The following PSD3 variants were observed in gnomAD, a reference collection of about 807,000 sequenced individuals.
PSD3 encodes the protein PH and SEC7 domain-containing protein 3.
A neutral mutation model predicts 105.5 loss-of-function variants in PSD3; 49 were observed. The ratio of observed to expected loss-of-function variants is 0.46; its 90% CI spans 0.37 to 0.59. The LOEUF is 0.59. Among genes scored for constraint, PSD3 ranks in the 20% least tolerant of loss-of-function variants. The probability of loss-of-function intolerance (pLI) is 0.00; values close to 1 mark genes in which losing one functional copy is unlikely to be tolerated. For synonymous variants in PSD3, 557 were observed against 457.8 expected, an observed-to-expected ratio of 1.22 and a Z score of -2.77; for missense variants, 1,561 against 1,263.8, an observed-to-expected ratio of 1.24 and a Z score of -3.57.
intron 11 of PSD3, among the ~76,000 whole-genome samples, chr8:18,606,702 T>C (rs1201571788): frequency 1.3e-5 from 2 of 151,988 alleles, no homozygotes; most frequent in Non-Finnish European, 2.9e-5. Flanking sequence ...GTAAGGAAAT[T>C]ATTACAGTAG....
At chr8:18,698,725 C>T (rs1378517197) in intron 9 of PSD3, among the ~76,000 whole-genome samples, 1 of 152,110 alleles carries the variant, frequency 6.6e-6, no homozygotes, top group Non-Finnish European at 1.5e-5. Context: ...TATAATCATA[C>T]AAGTAACATC....
chr8:19,005,789 T>TG (rs1826648577), intron 1 of PSD3, among the ~76,000 whole-genome samples: 1 of 151,958 alleles, frequency 6.6e-6, no homozygotes, highest in South Asian at 2.1e-4. Flanking sequence ...GTGCCTGGCC[T>TG]GGGCTGTTTT....
intron 8 of PSD3, among the ~76,000 whole-genome samples, chr8:18,780,560 A>T (rs4921961): frequency 0.081 from 11,747 of 145,904 alleles, 974 homozygotes; most frequent in East Asian, 0.39. Context: ...TTATTTATTT[A>T]TTTTTTTGTG....
intron 2 of PSD3, among the ~76,000 whole-genome samples, chr8:18,889,231 G>C (rs891660495): frequency 2.0e-5 from 3 of 152,086 alleles, no homozygotes; most frequent in African/African-American, 7.2e-5. Context: ...GCTTAGCAGT[G>C]CCATCTTCAA....
rs906408813 is a variant in PSD3, at chr8:18,532,498, C to G, written c.*3245G>C. 1 of 152,184 alleles carries G rather than the reference C, an allele frequency of 6.6e-6. No homozygotes were observed. The highest frequency in any genetic ancestry group is 2.4e-5 in the African/African-American group (1 of 41,444). The allele number at this position is 152,184 out of a possible 1,614,324, so 9.4% of individuals were successfully genotyped here. On this transcript the variant is annotated 3_prime_UTR_variant, in exon 16 of 16. Coordinates refer to ENST00000327040, the MANE Select transcript of PSD3 (RefSeq NM_015310.4). ...ACTGCACCAAAAAATGCTTTCTATCCTCTGCATCTAAGAGGAATAAAAAGG... is the reference window on the plus strand; with the variant it reads ...ACTGCACCAAAAAATGCTTTCTATCGTCTGCATCTAAGAGGAATAAAAAGG...
At chr8:18,965,881 G>A (rs781291715) in intron 1 of PSD3, among the ~76,000 whole-genome samples, 22 of 152,218 alleles carry the variant, frequency 1.4e-4, no homozygotes, top group Admixed American at 2.6e-4. Flanking sequence ...CCAGGCCTGA[G>A]TTAAGCTCCT....
chr8:18,702,321 T>C (rs17696052), intron 9 of PSD3, among the ~76,000 whole-genome samples: 2,042 of 152,332 alleles, frequency 0.013, 42 homozygotes, highest in African/African-American at 0.04. Flanking sequence ...TTTATGTACA[T>C]AGGTAACCTA....
intron 10 of PSD3, among the ~76,000 whole-genome samples, chr8:18,648,388 T>C (rs1808217175): frequency 6.6e-6 from 1 of 152,194 alleles, no homozygotes; most frequent in African/African-American, 2.4e-5. Flanking sequence ...GCAAAGAACT[T>C]GGAGGCACTG....
intron 12 of PSD3, among the ~76,000 whole-genome samples, chr8:18,592,778 T>C (rs533286314): frequency 8.5e-5 from 13 of 152,144 alleles, no homozygotes; most frequent in Non-Finnish European, 1.5e-4. Flanking sequence ...GAAAGATATA[T>C]AGACCAATGG....
intron 1 of PSD3, among the ~76,000 whole-genome samples, chr8:18,996,122 A>T (rs572069978): frequency 2.0e-5 from 3 of 151,928 alleles, no homozygotes; most frequent in African/African-American, 7.3e-5. Context: ...TTAAATTCTT[A>T]CTCTTATTAC....
intron 4 of PSD3, among the ~76,000 whole-genome samples, chr8:18,843,324 C>A (rs1237497603): frequency 1.5e-5 from 2 of 137,106 alleles, no homozygotes; most frequent in African/African-American, 2.7e-5. Context: ...TCGCACGAGA[C>A]TCCGTCTCAA....
chr8:18,936,326 G>T (rs917959943), intron 1 of PSD3, among the ~76,000 whole-genome samples, 184 bp from the exon 2 acceptor site: 3 of 152,094 alleles, frequency 2.0e-5, no homozygotes, highest in Non-Finnish European at 4.4e-5. Context: ...AACTATCACT[G>T]CATGATTATA....
chr8:18,549,983 A>G (rs147502338), intron 15 of PSD3, among the ~76,000 whole-genome samples: 163 of 152,334 alleles, frequency 1.1e-3, no homozygotes, highest in African/African-American at 3.8e-3. Context: ...GGTCATGCCA[A>G]ATACACCAAT....
intron 1 of PSD3, among the ~76,000 whole-genome samples, chr8:18,947,247 G>GT (rs968988091): frequency 1.3e-5 from 2 of 152,212 alleles, no homozygotes; most frequent in African/African-American, 4.8e-5. Context: ...GTTAGAAACA[G>GT]CATGGAAACC....
intron 15 of PSD3, among the ~76,000 whole-genome samples, chr8:18,549,017 C>G (rs7017991): frequency 0.056 from 8,569 of 152,162 alleles, 426 homozygotes; most frequent in African/African-American, 0.14. Context: ...TCTCAGGGAG[C>G]CAGACACTCA....
intron 2 of PSD3, among the ~76,000 whole-genome samples, chr8:18,888,002 A>G (rs552054450): frequency 3.3e-5 from 5 of 152,214 alleles, no homozygotes; most frequent in Non-Finnish European, 1.5e-5. Context: ...CCAAGATCAC[A>G]CGGCTAACGC....
At chr8:18,657,002 T>C (rs1313857908) in intron 9 of PSD3, among the ~76,000 whole-genome samples, 1 of 152,256 alleles carries the variant, frequency 6.6e-6, no homozygotes, top group Non-Finnish European at 1.5e-5. Context: ...AATATTATGA[T>C]GATGTTGGAA....
intron 14 of PSD3, among the ~76,000 whole-genome samples, chr8:18,566,091 C>G (rs1025613161): frequency 6.6e-6 from 1 of 152,064 alleles, no homozygotes; most frequent in Non-Finnish European, 1.5e-5. Context: ...ACACTATGAC[C>G]CCAGTATAGA....
chr8:18,599,145 C>A (rs1240667869), intron 12 of PSD3, among the ~76,000 whole-genome samples: 1 of 152,086 alleles, frequency 6.6e-6, no homozygotes, highest in East Asian at 1.9e-4. Context: ...CCTCACATTC[C>A]TGATTTCAAA....
Sources: gnomAD v4.1 joint callset for allele counts (sites outside exome capture counted in the v4.1 genomes callset) on GRCh38, gnomAD v4.1.1 for gene constraint, MANE v1.5 for transcripts, NCBI Gene and HGNC (gene_info 2026-07-23, HGNC 2026-07-21) for gene names.